Variants in ACACA observed in about 807,000 individuals in gnomAD.
ACACA encodes the protein acetyl-CoA carboxylase alpha, also known as acetyl-CoA carboxylase 1.
Under a neutral mutation model 296.1 loss-of-function variants are expected in ACACA, and 103 were observed. That is an observed-to-expected ratio of 0.35 (90% CI 0.30 to 0.41). The LOEUF (loss-of-function observed/expected upper bound fraction) is 0.41. ACACA is among the 10% of genes least tolerant of loss of function. The pLI, the probability that ACACA is intolerant of heterozygous loss-of-function variation, is 1.00. For missense variants in ACACA, 1,554 were observed against 2,989.7 expected (o/e 0.52, Z 11.20); for synonymous variants, 953 against 1,038.6 (o/e 0.92, Z 1.58).
At chr17:37,253,486 AG>A (rs1474842716) in intron 14 of ACACA, among the ~76,000 whole-genome samples, 1 of 152,176 alleles carries the variant, frequency 6.6e-6, no homozygotes, top group East Asian at 1.9e-4. Context: ...AAAACAAATA[AG>A]GGTGCACATG....
Position 37,390,422 on chromosome 17 carries a change from A to AT in ACACA, c.38+15839dup, listed in dbSNP as rs535545298. Reference sequence around the variant, plus strand: ...GGCAGGTGGATCACGAGGTCAAGAGATTGAGACCATCCTAGCCAAAATGGT... The same window carrying AT: ...GGCAGGTGGATCACGAGGTCAAGAGATTTGAGACCATCCTAGCCAAAATGGT... On this transcript the variant is annotated intron_variant, in intron 1 of 55. Coordinates refer to ENST00000616317, the MANE Select transcript of ACACA (RefSeq NM_198834.3). Among the ~76,000 whole-genome samples the AT allele has an allele frequency of 2.9e-5, 4 of 136,956 alleles. No individual in the cohort carries two copies. In the East Asian group the frequency reaches 8.8e-4, roughly 30 times the overall value. The allele number at this position is 136,956 out of a possible 152,430, so 89.8% of individuals were successfully genotyped here.
At chr17:37,106,414 C>A (rs1174212289) in intron 52 of ACACA, among the ~76,000 whole-genome samples, 1 of 152,158 alleles carries the variant, frequency 6.6e-6, no homozygotes, top group Non-Finnish European at 1.5e-5. Context: ...CCATACCTAT[C>A]TAAATACACT....
chr17:37,326,014 C>A (rs1284285517), intron 3 of ACACA, among the ~76,000 whole-genome samples: 1 of 151,086 alleles, frequency 6.6e-6, no homozygotes, highest in Non-Finnish European at 1.5e-5. Flanking sequence ...TCAAGACCAG[C>A]CTGGCCAATA....
intron 3 of ACACA, among the ~76,000 whole-genome samples, chr17:37,307,824 G>T (rs192304736): frequency 6.6e-6 from 1 of 152,024 alleles, no homozygotes; most frequent in Admixed American, 6.6e-5. Context: ...CTGAGCTCAG[G>T]CAATCCATCC....
intron 1 of ACACA, among the ~76,000 whole-genome samples, chr17:37,393,230 G>A (rs1415148492): frequency 6.6e-6 from 1 of 151,918 alleles, no homozygotes; most frequent in African/African-American, 2.4e-5. Flanking sequence ...GAGCACTGAG[G>A]TTGGCATTTG....
intron 29 of ACACA, among the ~76,000 whole-genome samples, chr17:37,217,295 A>G (rs1010220249): frequency 6.7e-6 from 1 of 149,474 alleles, no homozygotes. Context: ...AGCTGCAGGA[A>G]TGGAATTCCA....
At chr17:37,250,879 T>G (rs2146088358) in intron 16 of ACACA, among the ~76,000 whole-genome samples, 1 of 147,172 alleles carries the variant, frequency 6.8e-6, no homozygotes, top group East Asian at 2.1e-4. Context: ...CAAAAAAAAT[T>G]AGCCGGGCCT....
chr17:37,192,096 G>C lies in ACACA; in HGVS notation c.4410C>G (p.Val1470=), dbSNP rs779550954. Reference sequence around the variant, plus strand: ...ATTAAAGTACAGCACCCACCTTGGTGACCAGATCAGAATGCCTGATGATTG... The same window carrying C: ...ATTAAAGTACAGCACCCACCTTGGTCACCAGATCAGAATGCCTGATGATTG... The part of the protein sequence containing the change: ...VRAIIRHSDL[V]TKEASFEYLQ... Residue 1470 remains valine, a synonymous_variant, in exon 37 of 56, where the codon GTC becomes GTG. Transcript: ENST00000616317. 10 of 1,613,842 alleles carry C rather than the reference G, an allele frequency of 6.2e-6. No individual in the cohort carries two copies. Among genetic ancestry groups the C allele is most frequent in the Non-Finnish European group, 8.5e-6 (10 of 1,179,968 alleles).
chr17:37,325,680 T>G (rs1429204316), intron 3 of ACACA, among the ~76,000 whole-genome samples: 1 of 137,778 alleles, frequency 7.3e-6, no homozygotes, highest in Non-Finnish European at 1.5e-5. Flanking sequence ...ATTCAAGCAC[T>G]TCTCCTGCCT....
chr17:37,260,584 G>A (rs1239833440), intron 11 of ACACA, among the ~76,000 whole-genome samples: 1 of 151,858 alleles, frequency 6.6e-6, no homozygotes, highest in East Asian at 1.9e-4. Context: ...GATTATAGGC[G>A]TGAGCCACAG....
chr17:37,242,865 G>A (rs554566018), intron 22 of ACACA, among the ~76,000 whole-genome samples: 1 of 152,136 alleles, frequency 6.6e-6, no homozygotes, highest in Non-Finnish European at 1.5e-5. Context: ...GGTGAAACCC[G>A]TGACTACTAA....
At chr17:37,253,968 C>T (rs1333437649) in intron 14 of ACACA, among the ~76,000 whole-genome samples, 2 of 151,938 alleles carry the variant, frequency 1.3e-5, no homozygotes, top group East Asian at 3.9e-4. Flanking sequence ...TATTACTTCC[C>T]AGTTAAGTGC....
intron 33 of ACACA, among the ~76,000 whole-genome samples, chr17:37,201,487 G>A (rs1483451457): frequency 2.0e-5 from 3 of 150,472 alleles, no homozygotes; most frequent in Non-Finnish European, 4.4e-5. Context: ...CCACTTATAC[G>A]AGTCTTGGGC....
At chr17:37,146,425 C>T (rs1597967334) in intron 45 of ACACA, among the ~76,000 whole-genome samples, 2 of 92,602 alleles carry the variant, frequency 2.2e-5, no homozygotes, top group African/African-American at 4.4e-5. Flanking sequence ...TAAGTAAAAT[C>T]AATGATGGGG....
intron 5 of ACACA, 64 bp from the exon 6 acceptor site, chr17:37,278,069 G>T: frequency 8.3e-7 from 1 of 1,200,174 alleles, no homozygotes; most frequent in Non-Finnish European, 1.2e-6. Flanking sequence ...TAATTGCACA[G>T]CAAAACTACG....
intron 3 of ACACA, among the ~76,000 whole-genome samples, chr17:37,305,995 G>A (rs1440212339): frequency 7.3e-6 from 1 of 136,488 alleles, no homozygotes; most frequent in Admixed American, 8.4e-5. Context: ...TGCAAGCTCC[G>A]CCTCCTGGGT....
chr17:37,185,920 C>T (rs1036231539), intron 39 of ACACA, among the ~76,000 whole-genome samples: 4 of 152,182 alleles, frequency 2.6e-5, no homozygotes, highest in Admixed American at 2.0e-4. Flanking sequence ...TTCACTTATG[C>T]AATGGATTAC....
At chr17:37,144,790 C>T (rs919146843) in intron 45 of ACACA, among the ~76,000 whole-genome samples, 3 of 151,306 alleles carry the variant, frequency 2.0e-5, no homozygotes, top group African/African-American at 7.3e-5. Context: ...CCTGATCTCG[C>T]TAAGGGGGAT....
intron 30 of ACACA, among the ~76,000 whole-genome samples, chr17:37,209,719 A>G (rs1360690287): frequency 6.6e-6 from 1 of 152,236 alleles, no homozygotes; most frequent in Non-Finnish European, 1.5e-5. Flanking sequence ...GATTATCTGC[A>G]AAGACCTTGC....
Sources: gnomAD v4.1 joint callset for allele counts (sites outside exome capture counted in the v4.1 genomes callset) on GRCh38, gnomAD v4.1.1 for gene constraint, MANE v1.5 for transcripts, NCBI Gene and HGNC (gene_info 2026-07-23, HGNC 2026-07-21) for gene names.